CREB3L2: variants seen among roughly 807,000 people sequenced by gnomAD.
CREB3L2 encodes cyclic AMP-responsive element-binding protein 3-like protein 2.
A neutral mutation model predicts 57.2 loss-of-function variants in CREB3L2; 23 were observed. That is an observed-to-expected ratio of 0.40 (90% CI 0.29 to 0.57). The LOEUF is 0.57. Ranked by LOEUF, CREB3L2 falls within the 20% of genes least tolerant of loss-of-function variation. The pLI is 0.42. For synonymous variants in CREB3L2, 268 were observed against 265.1 expected (o/e 1.01, Z -0.11); for missense variants, 628 against 634.7 (o/e 0.99, Z 0.11).
chr7:138,001,126 CGT>C lies in CREB3L2; in HGVS notation c.102+476_102+477del. Among the ~76,000 whole-genome samples the C allele has an allele frequency of 6.8e-6, 1 of 146,816 alleles. No homozygotes were observed. Among genetic ancestry groups the C allele is most frequent in the African/African-American group, 2.6e-5 (1 of 38,670 alleles). ...ACACACACACACACACACACACACA[CGT>C]GTACTTTTTAAAATATAAATATGAA... is the stretch of plus-strand genomic sequence containing the variant. On this transcript the variant is annotated intron_variant, in intron 1 of 11. Coordinates refer to ENST00000330387, the MANE Select transcript of CREB3L2 (RefSeq NM_194071.4). This position sits in a 1 kb window ranked among gnomAD's most constrained non-coding sequence, Gnocchi z 4.2.
intron 8 of CREB3L2, among the ~76,000 whole-genome samples, chr7:137,899,607 A>G (rs2117196991): frequency 6.6e-6 from 1 of 152,374 alleles, no homozygotes; most frequent in Non-Finnish European, 1.5e-5. Flanking sequence ...CAGCAGACTA[A>G]CGGCCAAAGG....
chr7:137,898,651 T>A (rs532952502), intron 8 of CREB3L2, among the ~76,000 whole-genome samples: 1 of 152,274 alleles, frequency 6.6e-6, no homozygotes, highest in South Asian at 2.1e-4. Flanking sequence ...GTGGAACCTA[T>A]GAAGAATTCT....
chr7:138,001,845 G>C lies in CREB3L2; in HGVS notation c.-140C>G, dbSNP rs1245808753. On this transcript the variant is annotated 5_prime_UTR_variant, in exon 1 of 12. Coordinates refer to ENST00000330387, the MANE Select transcript of CREB3L2 (RefSeq NM_194071.4). The surrounding 1 kb of genome is among the most constrained non-coding windows in gnomAD (Gnocchi z 4.2). ...GTGTCTGTAGTTTTGCACTTGGAAA[G>C]CAAACGTCTGCTCCTCTGCCGGAGA... The C allele has an allele frequency of 1.8e-6, 1 of 543,556 alleles. No homozygotes were observed. Among genetic ancestry groups the C allele is most frequent in the Non-Finnish European group, 3.2e-6 (1 of 316,270 alleles). 33.7% of individuals were successfully genotyped at this position (543,556 alleles called of 1,614,324 possible).
rs760817390 is a variant in CREB3L2 at position 137,928,276 on chromosome 7, C to T, written c.193G>A (p.Glu65Lys). The T allele has an allele frequency of 3.1e-6, 5 of 1,614,068 alleles. No homozygotes were observed. Among genetic ancestry groups the T allele is most frequent in the Non-Finnish European group, 3.4e-6 (4 of 1,180,004 alleles). ...PFLSEKSVSM[E>K]VEPSPTSPAP... ...GGGGACGTCGGGGAAGGTTCCACCT[C>T]CATTGACACACTCTTCTCTGAGAGG... Residue 65 changes from glutamate to lysine, a missense_variant, in exon 2 of 12, where the codon GAG (glutamate) becomes AAG (lysine). This residue lies in a region of CREB3L2 where 339 missense variants were observed against 355.4 expected (regional missense o/e 0.95). Transcript: ENST00000330387.
chr7:137,880,138 G>A lies in CREB3L2; in HGVS notation c.*338C>T, dbSNP rs182110092. ...GAGCCATCTCGTCTCCAAAGCGGGG[G>A]GTTACACCTCACAGGTGCACATTAG... On this transcript the variant is annotated 3_prime_UTR_variant, in exon 12 of 12. Coordinates refer to ENST00000330387, the MANE Select transcript of CREB3L2 (RefSeq NM_194071.4). This position sits in a 1 kb window ranked among gnomAD's most constrained non-coding sequence, Gnocchi z 4.0. 2 of 367,604 alleles carry A rather than the reference G, an allele frequency of 5.4e-6. No homozygotes were observed. Among genetic ancestry groups the A allele is most frequent in the Non-Finnish European group, 5.1e-6 (1 of 197,590 alleles). 22.8% of individuals were successfully genotyped at this position (367,604 alleles called of 1,614,324 possible).
intron 6 of CREB3L2, among the ~76,000 whole-genome samples, chr7:137,905,455 A>C (rs1799865426): frequency 6.7e-6 from 1 of 149,290 alleles, no homozygotes; most frequent in Non-Finnish European, 1.5e-5. Flanking sequence ...TAAATGTATC[A>C]TCGTGGGCAC....
intron 2 of CREB3L2, among the ~76,000 whole-genome samples, chr7:137,919,032 G>A (rs1439807077): frequency 6.6e-6 from 1 of 152,084 alleles, no homozygotes; most frequent in Non-Finnish European, 1.5e-5. Context: ...CCAAGGAAGC[G>A]GCCTCTCCTC....
chr7:137,953,421 T>C (rs1465562174), intron 1 of CREB3L2: 10 of 1,248,600 alleles, frequency 8.0e-6, no homozygotes, highest in Admixed American at 2.3e-5. Flanking sequence ...GCCTGAGGAA[T>C]AGATGGATAA....
At chr7:137,982,554 C>T (rs980619067) in intron 1 of CREB3L2, among the ~76,000 whole-genome samples, 7 of 152,200 alleles carry the variant, frequency 4.6e-5, no homozygotes, top group African/African-American at 1.7e-4. Context: ...ATAAGTCTCA[C>T]AAGATCTGAT....
At chr7:137,971,566 C>T (rs1384039711) in intron 1 of CREB3L2, among the ~76,000 whole-genome samples, 1 of 151,728 alleles carries the variant, frequency 6.6e-6, no homozygotes, top group African/African-American at 2.4e-5. Flanking sequence ...TGTGAGTGCA[C>T]ACAAAACACC....
chr7:137,893,369 A>G (rs1163394391), intron 8 of CREB3L2, among the ~76,000 whole-genome samples: 1 of 152,250 alleles, frequency 6.6e-6, no homozygotes, highest in Non-Finnish European at 1.5e-5. Context: ...TCTTCACACA[A>G]CCAGAAGTTA....
intron 1 of CREB3L2, among the ~76,000 whole-genome samples, chr7:137,992,180 T>C (rs902085755): frequency 2.0e-5 from 3 of 151,922 alleles, no homozygotes; most frequent in Non-Finnish European, 2.9e-5. Context: ...AAGAGGAAAA[T>C]ATGGTACGTG....
chr7:137,996,144 G>C (rs1244848207), intron 1 of CREB3L2, among the ~76,000 whole-genome samples: 5 of 152,228 alleles, frequency 3.3e-5, no homozygotes, highest in African/African-American at 1.2e-4. Context: ...GGTTCTCCAA[G>C]TGGAGATTCA....
intron 1 of CREB3L2, chr7:137,934,020 T>G (rs1026849940): frequency 6.6e-6 from 1 of 152,266 alleles, no homozygotes; most frequent in Non-Finnish European, 1.5e-5. Flanking sequence ...ACTGCTCATG[T>G]GAACCCAAGG....
At chr7:137,906,281 A>G (rs1309692265) in intron 5 of CREB3L2, among the ~76,000 whole-genome samples, 1 of 152,180 alleles carries the variant, frequency 6.6e-6, no homozygotes, top group Admixed American at 6.5e-5. Flanking sequence ...TCTCTACACA[A>G]CAGGAGTCAA....
intron 1 of CREB3L2, among the ~76,000 whole-genome samples, chr7:137,959,890 T>C (rs1265928614): frequency 6.6e-6 from 1 of 152,232 alleles, no homozygotes; most frequent in Non-Finnish European, 1.5e-5. Context: ...AAAATACTTA[T>C]TTACCTCAGT....
At chr7:137,981,193 G>T (rs773562218) in intron 1 of CREB3L2, among the ~76,000 whole-genome samples, 48 of 152,110 alleles carry the variant, frequency 3.2e-4, no homozygotes, top group Non-Finnish European at 5.6e-4. Flanking sequence ...GAGAGCAAAG[G>T]AGACAAAAAG....
Position 137,876,772 on chromosome 7 carries a change from A to C in CREB3L2, c.*3704T>G. 1 of 232,256 alleles carries C rather than the reference A, an allele frequency of 4.3e-6. No individual in the cohort carries two copies. Among genetic ancestry groups the C allele is most frequent in the East Asian group, 6.1e-5 (1 of 16,434 alleles). 14.4% of individuals were successfully genotyped at this position (232,256 alleles called of 1,614,324 possible). On this transcript the variant is annotated 3_prime_UTR_variant, in exon 12 of 12. Coordinates refer to ENST00000330387, the MANE Select transcript of CREB3L2 (RefSeq NM_194071.4). The stretch of plus-strand genomic sequence containing the variant: ...TGGTGTCTTTAACCCAGGTTTCTTA[A>C]AGACTGGCTTCAATAGAACCAACTG...
intron 7 of CREB3L2, among the ~76,000 whole-genome samples, chr7:137,901,867 T>A (rs1585606845): frequency 2.6e-5 from 1 of 39,014 alleles, no homozygotes; most frequent in East Asian, 7.8e-4. Flanking sequence ...CAGAGCAAGA[T>A]CTGTCTCAAA....
Sources: gnomAD v4.1 joint callset for allele counts (sites outside exome capture counted in the v4.1 genomes callset) on GRCh38, gnomAD v4.1.1 for gene constraint, gnomAD v4.1.1 regional missense constraint, Gnocchi (gnomAD v3.1) non-coding constraint, MANE v1.5 for transcripts, NCBI Gene and HGNC (gene_info 2026-07-23, HGNC 2026-07-21) for gene names.